Variants in RAB5A observed in about 807,000 individuals in gnomAD.
The protein encoded by RAB5A is RAB5A, member RAS oncogene family.
RAB5A carries 8 observed loss-of-function variants against 25.7 expected under a neutral mutation model. The ratio of observed to expected loss-of-function variants is 0.31; its 90% CI spans 0.18 to 0.56. The LOEUF (loss-of-function observed/expected upper bound fraction) is 0.56. Ranked by LOEUF, RAB5A falls within the 20% of genes least tolerant of loss-of-function variation. RAB5A has a pLI of 0.91. For missense variants in RAB5A, 192 were observed against 259.7 expected (o/e 0.74, Z 1.79); for synonymous variants, 98 against 89.8 (o/e 1.09, Z -0.52).
Position 19,983,798 on chromosome 3 carries a change from C to T in RAB5A, c.623C>T (p.Thr208Ile). The change falls in exon 6 of 6, where the codon ACC becomes ATC. Residue 208 changes from threonine (T) to isoleucine (I), a missense_variant. By Grantham distance (89) the Thr-to-Ile change is moderately conservative. Transcript: ENST00000273047. ...GVDLTEPTQP[T>I]RNQCCSN ...GACCTTACCGAACCCACACAACCAA[C>T]CAGGAATCAGTGTTGTAGTAACTAA... is the stretch of plus-strand genomic sequence containing the variant. 6.2e-7 allele frequency: 1 copy of T among 1,609,004 alleles called. No individual in the cohort carries two copies. Among genetic ancestry groups the T allele is most frequent in the Non-Finnish European group, 8.5e-7 (1 of 1,176,102 alleles).
rs575219859 is a variant in RAB5A at position 19,953,253 on chromosome 3, A to G, written c.163+2192A>G. Among the ~76,000 whole-genome samples, 34 of 152,176 alleles carry G rather than the reference A, an allele frequency of 2.2e-4. 1 individual carries two copies. The highest frequency in any genetic ancestry group is 2.2e-3 in the Admixed American group (33 of 15,258). Reference sequence around the variant, plus strand: ...ACCCCATATCCTGTGTATCATAAATATATCTCTGATATGTGTGTATCTCTA... The same window carrying G: ...ACCCCATATCCTGTGTATCATAAATGTATCTCTGATATGTGTGTATCTCTA... On this transcript the variant is annotated intron_variant, in intron 2 of 5. Coordinates refer to ENST00000273047, the MANE Select transcript of RAB5A (RefSeq NM_004162.5).
chr3:19,959,805 T>G (rs1181039525), intron 2 of RAB5A, among the ~76,000 whole-genome samples: 1 of 152,018 alleles, frequency 6.6e-6, no homozygotes, highest in African/African-American at 2.4e-5. Flanking sequence ...TTTGAAATTT[T>G]TGTAGAGGCG....
At chr3:19,958,733 A>G (rs1005402787) in intron 2 of RAB5A, among the ~76,000 whole-genome samples, 1 of 152,194 alleles carries the variant, frequency 6.6e-6, no homozygotes, top group Non-Finnish European at 1.5e-5. Context: ...AATCCCAGCT[A>G]TTGAGGCATT....
chr3:19,972,383 T>C (rs567980757), intron 2 of RAB5A, among the ~76,000 whole-genome samples: 2 of 152,310 alleles, frequency 1.3e-5, no homozygotes, highest in Admixed American at 1.3e-4. Flanking sequence ...GAAAAAGATA[T>C]AAACCAATGA....
intron 5 of RAB5A, among the ~76,000 whole-genome samples, chr3:19,982,693 T>C (rs1696952471): frequency 6.6e-6 from 1 of 150,988 alleles, no homozygotes; most frequent in Admixed American, 6.6e-5. Flanking sequence ...ACTTTGGAAC[T>C]CAGGACTGCA....
At chr3:19,964,215 A>C (rs752699576) in intron 2 of RAB5A, among the ~76,000 whole-genome samples, 9 of 152,220 alleles carry the variant, frequency 5.9e-5, no homozygotes, top group Non-Finnish European at 1.3e-4. Context: ...TTGCCTATAG[A>C]TAAAATGTCT....
At chr3:19,970,738 T>C (rs780996891) in intron 2 of RAB5A, 2 of 379,850 alleles carry the variant, frequency 5.3e-6, no homozygotes, top group Non-Finnish European at 1.0e-5. Context: ...GGTTGGTTAA[T>C]GTTGCTACAG....
intron 1 of RAB5A, among the ~76,000 whole-genome samples, chr3:19,948,735 T>A (rs1483075789): frequency 6.6e-6 from 1 of 151,064 alleles, no homozygotes; most frequent in African/African-American, 2.4e-5. Flanking sequence ...GAAATCAGAA[T>A]CTTGTTTGAT....
chr3:19,950,114 A>C (rs1314096394), intron 1 of RAB5A, among the ~76,000 whole-genome samples: 1 of 152,228 alleles, frequency 6.6e-6, no homozygotes, highest in African/African-American at 2.4e-5. Flanking sequence ...TTGTAAGTAA[A>C]TAAGTCAGTA....
intron 2 of RAB5A, among the ~76,000 whole-genome samples, chr3:19,973,471 A>G (rs545237564): frequency 6.6e-6 from 1 of 151,718 alleles, no homozygotes; most frequent in South Asian, 2.1e-4. Flanking sequence ...TTTTGGTAAG[A>G]GTACTGTCTT....
intron 2 of RAB5A, among the ~76,000 whole-genome samples, chr3:19,952,028 A>G (rs1459207707): frequency 1.3e-5 from 2 of 152,150 alleles, no homozygotes; most frequent in Non-Finnish European, 2.9e-5. Flanking sequence ...ACAGTACAGT[A>G]TTGTCAAGAG....
chr3:19,978,557 T>G (rs1232825952), intron 5 of RAB5A, 154 bp downstream of exon 5: 2 of 570,442 alleles, frequency 3.5e-6, no homozygotes, highest in East Asian at 2.9e-5. Context: ...TTATACCACT[T>G]TTCTAAGTCC....
intron 1 of RAB5A, 54 bp from the exon 2 acceptor site, chr3:19,950,752 T>C (rs1460555830): frequency 7.1e-6 from 5 of 706,210 alleles, no homozygotes; most frequent in South Asian, 2.3e-5. Context: ...AAGTGATTAA[T>C]AGTAAATTTG....
intron 5 of RAB5A, among the ~76,000 whole-genome samples, chr3:19,980,535 A>T (rs1206707507): frequency 6.6e-6 from 1 of 151,992 alleles, no homozygotes; most frequent in African/African-American, 2.4e-5. Flanking sequence ...ACTCTAATCA[A>T]TGCAAGGACT....
rs1696985901 is a variant in RAB5A at position 19,984,074 on chromosome 3, G to A, written c.*251G>A. On this transcript the variant is annotated 3_prime_UTR_variant, in exon 6 of 6. Coordinates refer to ENST00000273047, the MANE Select transcript of RAB5A (RefSeq NM_004162.5). ...GACACTTGTTTCATTGGAAGGTTAG[G>A]GGGAATAATTTCTCATCACTAGGAA... 1 of 435,700 alleles carries A rather than the reference G, an allele frequency of 2.3e-6. No individual in the cohort carries two copies. The highest frequency in any genetic ancestry group is 4.0e-5 in the Admixed American group (1 of 25,202). 27.0% of individuals were successfully genotyped at this position (435,700 alleles called of 1,614,324 possible).
At chr3:19,967,932 G>A (rs548479735) in intron 2 of RAB5A, among the ~76,000 whole-genome samples, 3 of 151,920 alleles carry the variant, frequency 2.0e-5, no homozygotes, top group Admixed American at 1.3e-4. Context: ...TCCTGTTTTC[G>A]GCTATGTATG....
Position 19,950,930 on chromosome 3 carries a change from G to A in RAB5A, c.32G>A (p.Gly11Glu), listed in dbSNP as rs139006514. The part of the protein sequence containing the change: MASRGATRPN[G>E]PNTGNKICQF... ...AGTCGAGGCGCAACAAGACCCAACG[G>A]GCCAAATACGGGAAATAAAATATGC... The change falls in exon 2 of 6, where the codon GGG becomes GAG. Residue 11 changes from glycine to glutamate, a missense_variant. Gly to Glu is a moderately conservative substitution (Grantham distance 98). Coordinates refer to ENST00000273047, the MANE Select transcript of RAB5A (RefSeq NM_004162.5). The A allele has an allele frequency of 2.5e-6, 4 of 1,613,362 alleles. No individual in the cohort carries two copies. The highest frequency in any genetic ancestry group is 4.5e-5 in the East Asian group (2 of 44,866).
Position 19,947,410 on chromosome 3 carries a change from A to ACGCCGCCGC in RAB5A, c.-200_-192dup, listed in dbSNP as rs1043367547. 6.4e-6 allele frequency: 1 copy of ACGCCGCCGC among 156,238 alleles called. No individual in the cohort carries two copies. The highest frequency in any genetic ancestry group is 2.4e-5 in the African/African-American group (1 of 41,156). 9.7% of individuals were successfully genotyped at this position (156,238 alleles called of 1,614,324 possible). A position where few individuals can be genotyped will look rare whatever the true frequency, so the allele number is the denominator to read the frequency against. ...AGGGGAGCGGCGCTAAGAGCAGGCG[A>ACGCCGCCGC]CGCCGCCGCCGCCACCACCACCGCC... On this transcript the variant is annotated 5_prime_UTR_variant, in exon 1 of 6. Transcript: ENST00000273047.
At chr3:19,958,437 A>G (rs1346771876) in intron 2 of RAB5A, among the ~76,000 whole-genome samples, 1 of 152,198 alleles carries the variant, frequency 6.6e-6, no homozygotes, top group African/African-American at 2.4e-5. Flanking sequence ...CTACTTAAAC[A>G]TTCCCGTGAG....
Sources: gnomAD v4.1 joint callset for allele counts (sites outside exome capture counted in the v4.1 genomes callset) on GRCh38, gnomAD v4.1.1 for gene constraint, MANE v1.5 for transcripts, NCBI Gene and HGNC (gene_info 2026-07-23, HGNC 2026-07-21) for gene names.